The following GFOD2 variants were observed in gnomAD, a reference collection of about 807,000 sequenced individuals.
GFOD2 encodes the protein glucose-fructose oxidoreductase domain-containing protein 2.
In GFOD2, 9 loss-of-function variants were observed where a neutral mutation model predicts 24.6. That is an observed-to-expected ratio of 0.37 (90% CI 0.22 to 0.64). GFOD2 has a LOEUF of 0.64. GFOD2 is among the 30% of genes least tolerant of loss of function. GFOD2 has a pLI of 0.65. For synonymous variants in GFOD2, 211 were observed against 224.8 expected, an observed-to-expected ratio of 0.94 and a Z score of 0.55; for missense variants, 476 against 532.5, an observed-to-expected ratio of 0.89 and a Z score of 1.04.
At chr16:67,711,263 T>C (rs1293557673) in intron 1 of GFOD2, among the ~76,000 whole-genome samples, 1 of 152,208 alleles carries the variant, frequency 6.6e-6, no homozygotes, top group Non-Finnish European at 1.5e-5. Flanking sequence ...TTAAATCCAG[T>C]GGTCAATTCT....
At chr16:67,684,910 T>A (rs2053254376) in intron 2 of GFOD2, 1 of 996,494 alleles carries the variant, frequency 1.0e-6, no homozygotes, top group East Asian at 1.1e-4. Context: ...GGAGATGTCA[T>A]GTAAGCAGGC....
At chr16:67,711,628 T>G (rs139735039) in intron 1 of GFOD2, among the ~76,000 whole-genome samples, 3 of 152,298 alleles carry the variant, frequency 2.0e-5, no homozygotes, top group Non-Finnish European at 4.4e-5. Flanking sequence ...ACTTGGATGT[T>G]TAATAGGCAT....
intron 1 of GFOD2, among the ~76,000 whole-genome samples, chr16:67,706,082 A>T (rs2053437412): frequency 6.8e-6 from 1 of 148,070 alleles, no homozygotes; most frequent in South Asian, 2.1e-4. Context: ...TCCGGGGTTC[A>T]AGCAATTCTT....
intron 2 of GFOD2, chr16:67,683,721 A>T (rs1253025722): frequency 1.6e-5 from 20 of 1,229,210 alleles, no homozygotes; most frequent in Non-Finnish European, 2.0e-5. Context: ...CCTTCCTATG[A>T]CATTCCTCAG....
chr16:67,705,493 C>T (rs1169022262), intron 1 of GFOD2, among the ~76,000 whole-genome samples: 1 of 152,190 alleles, frequency 6.6e-6, no homozygotes, highest in Non-Finnish European at 1.5e-5. Flanking sequence ...CAGGCGTGAG[C>T]CACTGTGCCC....
At chr16:67,682,410 G>C in intron 2 of GFOD2, 1 of 985,404 alleles carries the variant, frequency 1.0e-6, no homozygotes, top group South Asian at 4.7e-5. Flanking sequence ...TTTAGTGACA[G>C]ACTTAAGAAA....
intron 1 of GFOD2, among the ~76,000 whole-genome samples, chr16:67,697,754 T>A (rs2053368976): frequency 6.6e-6 from 1 of 152,112 alleles, no homozygotes; most frequent in African/African-American, 2.4e-5. Context: ...GCTCTGGGGG[T>A]GACTGTTTGC....
At chr16:67,692,124 T>A (rs1276507783) in intron 1 of GFOD2, among the ~76,000 whole-genome samples, 1 of 150,746 alleles carries the variant, frequency 6.6e-6, no homozygotes, top group Non-Finnish European at 1.5e-5. Context: ...GGAGACAATC[T>A]GGGGATCAGA....
At chr16:67,691,226 G>A (rs1205805014) in intron 1 of GFOD2, among the ~76,000 whole-genome samples, 1 of 151,732 alleles carries the variant, frequency 6.6e-6, no homozygotes, top group Non-Finnish European at 1.5e-5. Flanking sequence ...TTTTTATTTT[G>A]AGACAGATTC....
intron 1 of GFOD2, among the ~76,000 whole-genome samples, chr16:67,692,898 T>C (rs1324110887): frequency 6.6e-6 from 1 of 151,102 alleles, no homozygotes; most frequent in South Asian, 2.1e-4. Context: ...GGCGTGATGG[T>C]GGGCACCTGC....
At chr16:67,681,858 C>T in intron 2 of GFOD2, 1 of 985,248 alleles carries the variant, frequency 1.0e-6, no homozygotes, top group Non-Finnish European at 1.2e-6. Context: ...TCTAGCTCTC[C>T]TGCCAGGAAG....
At chr16:67,678,559 AG>A (rs1469940085) in intron 2 of GFOD2, among the ~76,000 whole-genome samples, 7 of 151,990 alleles carry the variant, frequency 4.6e-5, no homozygotes, top group Non-Finnish European at 8.8e-5. Flanking sequence ...CTGACTACCC[AG>A]GAAGAGTCAA....
At position 67,684,530 on chromosome 16, in the gene GFOD2, T is replaced by C. The variant is rs541999328; in HGVS notation, c.259+927A>G. The C allele has an allele frequency of 4.5e-5, 7 of 154,900 alleles. No individual in the cohort carries two copies. The South Asian group carries it at 1.4e-3, about 32-fold the overall frequency. The allele number at this position is 154,900 out of a possible 1,614,324, so 9.6% of individuals were successfully genotyped here. A position where few individuals can be genotyped will look rare whatever the true frequency, so the allele number is the denominator to read the frequency against. Reference sequence around the variant, plus strand: ...GGCCAATGTGGTGAAACCCTGTCTCTACTAAAAATACAAAAATTAGCTGGG... The same window carrying C: ...GGCCAATGTGGTGAAACCCTGTCTCCACTAAAAATACAAAAATTAGCTGGG... On this transcript the variant is annotated intron_variant, in intron 2 of 2. Transcript: ENST00000268797.
intron 1 of GFOD2, among the ~76,000 whole-genome samples, chr16:67,694,692 G>C (rs1248087146): frequency 6.6e-6 from 1 of 152,124 alleles, no homozygotes; most frequent in Non-Finnish European, 1.5e-5. Context: ...GTCTATAGTA[G>C]GGGATGGTTT....
Position 67,702,573 on chromosome 16 carries a change from TGTCATGAA to T in GFOD2, c.-88+16582_-88+16589del, listed in dbSNP as rs559111647. 4.1e-4 allele frequency among the ~76,000 whole-genome samples: 62 copies of T among 151,602 alleles called. No individual in the cohort carries two copies. The East Asian group carries it at 0.011, about 28-fold the overall frequency. ...CCAGGAACTCCAACTGACGCAGTATTGTCATGAAGGTAGCCAGGATTTTTTTTTTTTTT... is the reference window on the plus strand; with the variant it reads ...CCAGGAACTCCAACTGACGCAGTATTGGTAGCCAGGATTTTTTTTTTTTTT... On this transcript the variant is annotated intron_variant, in intron 1 of 2. Transcript: ENST00000268797.
rs773977871 is a variant in GFOD2, at chr16:67,675,993, A to T, written c.320T>A (p.Val107Glu). Residue 107 changes from valine to glutamate, a missense_variant, in exon 3 of 3, where the codon GTG (valine) becomes GAG (glutamate). Coordinates refer to ENST00000268797, the MANE Select transcript of GFOD2 (RefSeq NM_030819.4). ...CTGCGGGTAGTAGCGCGAGGCTGTCACCATCCGGAAGGCATCCACCGATGT... is the reference window on the plus strand; with the variant it reads ...CTGCGGGTAGTAGCGCGAGGCTGTCTCCATCCGGAAGGCATCCACCGATGT... Reference protein sequence around the residue: ...AATSVDAFRMVTASRYYPQLM... With the variant: ...AATSVDAFRMETASRYYPQLM... 2 of 1,614,002 alleles carry T rather than the reference A, an allele frequency of 1.2e-6. No individual in the cohort carries two copies. The highest frequency in any genetic ancestry group is 1.7e-6 in the Non-Finnish European group (2 of 1,180,018).
At chr16:67,718,652 C>T (rs901803583) in intron 1 of GFOD2, among the ~76,000 whole-genome samples, 1 of 152,210 alleles carries the variant, frequency 6.6e-6, no homozygotes, top group Non-Finnish European at 1.5e-5. Context: ...CAGAGCCACT[C>T]GCACCTTCTG....
chr16:67,714,953 T>G (rs1007341677), intron 1 of GFOD2, among the ~76,000 whole-genome samples: 1 of 152,234 alleles, frequency 6.6e-6, no homozygotes, highest in African/African-American at 2.4e-5. Flanking sequence ...TTGCAATTCC[T>G]TTCTAAGAGC....
chr16:67,708,003 G>A (rs1280783482), intron 1 of GFOD2, among the ~76,000 whole-genome samples: 2 of 152,136 alleles, frequency 1.3e-5, no homozygotes. Flanking sequence ...TGGTGGCTGA[G>A]GCGGAGGGAA....
Sources: allele counts gnomAD v4.1 joint callset (sites outside exome capture counted in the v4.1 genomes callset), GRCh38; gene constraint gnomAD v4.1.1; transcripts MANE v1.5; gene names NCBI Gene and HGNC (gene_info 2026-07-23, HGNC 2026-07-21).